Variants in AFF2 observed in about 807,000 individuals in gnomAD.
AFF2 encodes the protein AF4/FMR2 family member 2.
AFF2 carries 14 observed loss-of-function variants against 76.9 expected under a neutral mutation model. That is an observed-to-expected ratio of 0.18 (90% CI 0.12 to 0.28). The LOEUF (loss-of-function observed/expected upper bound fraction) is 0.28. Ranked by LOEUF, AFF2 falls within the 10% of genes least tolerant of loss-of-function variation. The pLI, the probability that AFF2 is intolerant of heterozygous loss-of-function variation, is 1.00. For missense variants in AFF2, 868 were observed against 1,001.1 expected, an observed-to-expected ratio of 0.87 and a Z score of 1.79; for synonymous variants, 398 against 366.7, an observed-to-expected ratio of 1.09 and a Z score of -0.98.
chrX:148,919,980 A>C (rs1352068991), intron 9 of AFF2, among the ~76,000 whole-genome samples: 1 of 111,770 alleles, frequency 8.9e-6, no homozygotes, highest in Non-Finnish European at 1.9e-5. Flanking sequence ...GTGTTAAATC[A>C]CACCTTTGCT....
intron 1 of AFF2, among the ~76,000 whole-genome samples, chrX:148,556,539 A>G (rs899372727): frequency 7.1e-5 from 8 of 112,245 alleles, no homozygotes; most frequent in African/African-American, 9.7e-5. Context: ...AACTTTAAAA[A>G]GATATAATTT....
Position 148,641,067 on chromosome X carries a change from A to G in AFF2, c.48-10932A>G, listed in dbSNP as rs1280112836. ...TACTCTGCACTGCAATTGTTTTGGA[A>G]TGGATTTGCCTCTCCTGGGCTGTGA... On this transcript the variant is annotated intron_variant, in intron 1 of 20. Coordinates refer to ENST00000370460, the MANE Select transcript of AFF2 (RefSeq NM_002025.4). 3.6e-5 allele frequency among the ~76,000 whole-genome samples: 4 copies of G among 111,431 alleles called. No homozygotes were observed. In the East Asian group the frequency reaches 8.4e-4, roughly 23 times the overall value.
At chrX:148,901,665 C>G (rs782045712) in intron 8 of AFF2, among the ~76,000 whole-genome samples, 30 of 112,182 alleles carry the variant, frequency 2.7e-4, no homozygotes, top group African/African-American at 9.7e-4. Context: ...CTTTGTGTAT[C>G]TTGTAGAATA....
chrX:148,734,410 A>G lies in AFF2; in HGVS notation c.1041+71642A>G, dbSNP rs188894810. On this transcript the variant is annotated intron_variant, in intron 3 of 20. Transcript: ENST00000370460. ...AACAATACTATGAAGCTAGTATTGT[A>G]TCCCTACTGTGTTGCAGAGAGAACA... Among the ~76,000 whole-genome samples, 3 of 111,953 alleles carry G rather than the reference A, an allele frequency of 2.7e-5. No individual in the cohort carries two copies. In the Admixed American group the frequency reaches 2.8e-4, roughly 11 times the overall value.
chrX:148,958,059 T>C, intron 11 of AFF2, among the ~76,000 whole-genome samples: 1 of 111,593 alleles, frequency 9.0e-6, no homozygotes, highest in Non-Finnish European at 1.9e-5. Context: ...ATAGATTCTC[T>C]TTACTTTTGT....
At chrX:148,898,257 A>G (rs1482296882) in intron 8 of AFF2, among the ~76,000 whole-genome samples, 2 of 112,081 alleles carry the variant, frequency 1.8e-5, no homozygotes, top group Admixed American at 9.4e-5. Flanking sequence ...TGGCTGTTCA[A>G]CTGGCTGTGG....
intron 3 of AFF2, among the ~76,000 whole-genome samples, chrX:148,675,655 C>G (rs191418794): frequency 2.6e-4 from 28 of 109,295 alleles, no homozygotes; most frequent in Admixed American, 2.6e-3. Context: ...CTGATTTCCT[C>G]TGGGACATCC....
chrX:148,859,104 A>G (rs1438154629), intron 7 of AFF2, among the ~76,000 whole-genome samples: 7 of 106,150 alleles, frequency 6.6e-5, no homozygotes, highest in African/African-American at 1.7e-4. Context: ...TGTATGTAAT[A>G]TGTAACAACA....
rs1436561859 is a variant in AFF2 at position 148,754,569 on chromosome X, T to C, written c.1042-55307T>C. ...ACATCTGACCTTTCTTAATCTCAAC[T>C]AATGGAACGAGTCACCTTTCACCTC... On this transcript the variant is annotated intron_variant, in intron 3 of 20. Coordinates refer to ENST00000370460, the MANE Select transcript of AFF2 (RefSeq NM_002025.4). Among the ~76,000 whole-genome samples the C allele has an allele frequency of 3.6e-5, 4 of 111,032 alleles. No homozygotes were observed. The East Asian group carries it at 1.1e-3, about 32-fold the overall frequency.
At chrX:148,672,191 T>G (rs1262868507) in intron 3 of AFF2, among the ~76,000 whole-genome samples, 1 of 112,406 alleles carries the variant, frequency 8.9e-6, no homozygotes, top group Admixed American at 9.4e-5. Flanking sequence ...TATTTTCTAT[T>G]TGACATGAAA....
chrX:148,756,156 G>A (rs2055558793), intron 3 of AFF2, among the ~76,000 whole-genome samples: 1 of 112,351 alleles, frequency 8.9e-6, no homozygotes, highest in Non-Finnish European at 1.9e-5. Context: ...TGCAAAATGG[G>A]AACAATAATA....
intron 19 of AFF2, among the ~76,000 whole-genome samples, chrX:148,987,138 G>C (rs1247866482): frequency 1.8e-5 from 2 of 111,531 alleles, no homozygotes; most frequent in African/African-American, 6.5e-5. Context: ...AAGCTATTGT[G>C]TTGACAAAAG....
intron 1 of AFF2, among the ~76,000 whole-genome samples, chrX:148,568,155 A>C: frequency 9.0e-6 from 1 of 111,691 alleles, no homozygotes. Context: ...AAAGGGGAGG[A>C]AAAAGATAAA....
intron 3 of AFF2, among the ~76,000 whole-genome samples, chrX:148,665,918 C>T (rs1302373052): frequency 9.0e-6 from 1 of 111,637 alleles, no homozygotes; most frequent in Admixed American, 9.5e-5. Flanking sequence ...CAACTTTTTC[C>T]CTGGCTTTAG....
intron 1 of AFF2, among the ~76,000 whole-genome samples, chrX:148,644,063 T>TA (rs1248121095): frequency 9.0e-6 from 1 of 111,667 alleles, no homozygotes; most frequent in Non-Finnish European, 1.9e-5. Flanking sequence ...AGTGCACTCT[T>TA]ACAATATTTT....
chrX:148,532,299 A>T (rs996926324), intron 1 of AFF2, among the ~76,000 whole-genome samples: 1 of 112,327 alleles, frequency 8.9e-6, no homozygotes, highest in African/African-American at 3.2e-5. Flanking sequence ...GGTGGATTCC[A>T]TGCCATTTTT....
At chrX:148,899,549 T>C (rs1390152591) in intron 8 of AFF2, among the ~76,000 whole-genome samples, 1 of 112,198 alleles carries the variant, frequency 8.9e-6, no homozygotes, top group Non-Finnish European at 1.9e-5. Flanking sequence ...TTTTCTGTCT[T>C]TTTCCATGTT....
At chrX:148,515,269 A>G (rs2052522903) in intron 1 of AFF2, among the ~76,000 whole-genome samples, 1 of 112,206 alleles carries the variant, frequency 8.9e-6, no homozygotes, top group African/African-American at 3.2e-5. Flanking sequence ...GTCGTTGCTA[A>G]TGTAGACTTA....
At chrX:148,861,509 G>A (rs1325841125) in intron 7 of AFF2, among the ~76,000 whole-genome samples, 1 of 111,897 alleles carries the variant, frequency 8.9e-6, no homozygotes, top group Non-Finnish European at 1.9e-5. Flanking sequence ...TTTCATTGTA[G>A]GAATTCTTTG....
Sources: allele counts gnomAD v4.1 joint callset (sites outside exome capture counted in the v4.1 genomes callset), GRCh38; gene constraint gnomAD v4.1.1; transcripts MANE v1.5; gene names NCBI Gene and HGNC (gene_info 2026-07-23, HGNC 2026-07-21).